PLCB1: variants seen among roughly 807,000 people sequenced by gnomAD.
PLCB1 encodes 1-phosphatidylinositol 4,5-bisphosphate phosphodiesterase beta-1.
Under a neutral mutation model 161.8 loss-of-function variants are expected in PLCB1, and 46 were observed. The ratio of observed to expected loss-of-function variants is 0.28; its 90% confidence interval spans 0.22 to 0.36. PLCB1 has a LOEUF of 0.36. Ranked by LOEUF, PLCB1 falls within the 10% of genes least tolerant of loss-of-function variation. The probability of loss-of-function intolerance (pLI) is 1.00; values close to 1 mark genes in which losing one functional copy is unlikely to be tolerated. For missense variants in PLCB1, 1,016 were observed against 1,472.5 expected (o/e 0.69, Z 5.07); for synonymous variants, 517 against 503.7 (o/e 1.03, Z -0.35).
intron 31 of PLCB1, among the ~76,000 whole-genome samples, chr20:8,850,270 T>C (rs1986843935): frequency 1.3e-5 from 2 of 152,208 alleles, no homozygotes; most frequent in Admixed American, 6.5e-5. Flanking sequence ...CACAACATTT[T>C]CTAATCGTGC....
intron 2 of PLCB1, among the ~76,000 whole-genome samples, chr20:8,269,418 C>T (rs1311781469): frequency 2.6e-5 from 4 of 151,974 alleles, no homozygotes; most frequent in Non-Finnish European, 4.4e-5. Flanking sequence ...ATTACTATTG[C>T]AAGGGATTTT....
intron 3 of PLCB1, among the ~76,000 whole-genome samples, chr20:8,396,160 T>C (rs1466825110): frequency 6.6e-6 from 1 of 152,050 alleles, no homozygotes; most frequent in Admixed American, 6.6e-5. Context: ...AGATGTTAGA[T>C]AATAAATCAT....
intron 2 of PLCB1, among the ~76,000 whole-genome samples, chr20:8,179,744 C>T (rs536449324): frequency 6.6e-6 from 1 of 150,696 alleles, no homozygotes; most frequent in African/African-American, 2.4e-5. Context: ...AAGGGGAATG[C>T]GTCCAGCTTT....
intron 3 of PLCB1, among the ~76,000 whole-genome samples, chr20:8,468,444 T>C (rs572334976): frequency 5.9e-5 from 9 of 152,288 alleles, no homozygotes; most frequent in African/African-American, 2.2e-4. Context: ...TCTGAATGAT[T>C]TTGGAAACTA....
At chr20:8,404,529 C>T (rs1264881790) in intron 3 of PLCB1, among the ~76,000 whole-genome samples, 1 of 152,106 alleles carries the variant, frequency 6.6e-6, no homozygotes, top group Non-Finnish European at 1.5e-5. Flanking sequence ...TTTTTTCTCC[C>T]CTGAGAAGCA....
chr20:8,283,792 C>A (rs991177511), intron 2 of PLCB1, among the ~76,000 whole-genome samples: 1 of 151,868 alleles, frequency 6.6e-6, no homozygotes, highest in African/African-American at 2.4e-5. Flanking sequence ...TAACAAATGG[C>A]CTCTTATTGT....
chr20:8,717,697 C>T lies in PLCB1; in HGVS notation c.1362C>T (p.Ser454=), dbSNP rs1352766272. The part of the protein sequence containing the change: ...YPLESGVPLP[S]PMDLMYKILV... ...TGGAATCTGGAGTTCCTCTTCCAAGCCCTATGGATTTAATGTATAAAATTT... is the reference window on the plus strand; with the variant it reads ...TGGAATCTGGAGTTCCTCTTCCAAGTCCTATGGATTTAATGTATAAAATTT... The change falls in exon 14 of 32, where the codon AGC becomes AGT. Residue 454 remains serine, a synonymous_variant. Transcript: ENST00000338037. The T allele has an allele frequency of 1.9e-6, 3 of 1,611,842 alleles. No homozygotes were observed. Among genetic ancestry groups the T allele is most frequent in the African/African-American group, 1.3e-5 (1 of 74,798 alleles).
chr20:8,390,647 A>G (rs1987560034), intron 3 of PLCB1, among the ~76,000 whole-genome samples: 1 of 152,228 alleles, frequency 6.6e-6, no homozygotes, highest in African/African-American at 2.4e-5. Context: ...CATAGTCAGA[A>G]TCATTTCAGA....
At chr20:8,698,015 A>G (rs1384431480) in intron 11 of PLCB1, among the ~76,000 whole-genome samples, 1 of 152,240 alleles carries the variant, frequency 6.6e-6, no homozygotes, top group African/African-American at 2.4e-5. Flanking sequence ...AGGAAATATC[A>G]AGGTATTTGT....
At chr20:8,518,999 G>A (rs1176486278) in intron 3 of PLCB1, among the ~76,000 whole-genome samples, 1 of 152,090 alleles carries the variant, frequency 6.6e-6, no homozygotes, top group Non-Finnish European at 1.5e-5. Context: ...AGGAGGCAGA[G>A]CTCAGGTGGT....
At chr20:8,214,478 C>A (rs545528413) in intron 2 of PLCB1, among the ~76,000 whole-genome samples, 2 of 152,204 alleles carry the variant, frequency 1.3e-5, no homozygotes, top group African/African-American at 4.8e-5. Flanking sequence ...CCTGAGGCCT[C>A]CTCAGAAGCA....
chr20:8,622,852 C>T (rs1055249808), intron 3 of PLCB1, among the ~76,000 whole-genome samples: 1 of 152,130 alleles, frequency 6.6e-6, no homozygotes, highest in Non-Finnish European at 1.5e-5. Context: ...TAGATTGGTG[C>T]AAAAGTAATT....
At chr20:8,339,401 A>T (rs879832322) in intron 2 of PLCB1, among the ~76,000 whole-genome samples, 1 of 152,092 alleles carries the variant, frequency 6.6e-6, no homozygotes, top group Non-Finnish European at 1.5e-5. Flanking sequence ...GAGGCAATGG[A>T]ATTATGGAGA....
At chr20:8,601,047 A>T (rs1452576981) in intron 3 of PLCB1, among the ~76,000 whole-genome samples, 1 of 152,166 alleles carries the variant, frequency 6.6e-6, no homozygotes, top group African/African-American at 2.4e-5. Context: ...GGAAATGCAG[A>T]AATCACCCGT....
intron 9 of PLCB1, among the ~76,000 whole-genome samples, chr20:8,675,603 A>G (rs1990055204): frequency 6.6e-6 from 1 of 152,226 alleles, no homozygotes; most frequent in South Asian, 2.1e-4. Context: ...ATCAACAAAA[A>G]TATCTGCAGT....
At chr20:8,666,001 G>A (rs1989802616) in intron 9 of PLCB1, among the ~76,000 whole-genome samples, 1 of 152,112 alleles carries the variant, frequency 6.6e-6, no homozygotes, top group African/African-American at 2.4e-5. Flanking sequence ...TACACACTTG[G>A]CAACTCTTCA....
chr20:8,252,014 A>C (rs1981169024), intron 2 of PLCB1, among the ~76,000 whole-genome samples: 1 of 151,952 alleles, frequency 6.6e-6, no homozygotes, highest in African/African-American at 2.4e-5. Context: ...TGATGCTATT[A>C]CTTGATGGCT....
At chr20:8,501,932 G>A (rs916050910) in intron 3 of PLCB1, among the ~76,000 whole-genome samples, 1 of 105,662 alleles carries the variant, frequency 9.5e-6, no homozygotes, top group Non-Finnish European at 1.9e-5. Context: ...TTTCTTGCTT[G>A]TATTATCCCT....
At chr20:8,563,447 A>G (rs1986214452) in intron 3 of PLCB1, among the ~76,000 whole-genome samples, 2 of 152,026 alleles carry the variant, frequency 1.3e-5, no homozygotes, top group African/African-American at 2.4e-5. Flanking sequence ...GTCCAAACTC[A>G]AAAGGAAGCC....
Sources: allele counts gnomAD v4.1 joint callset (sites outside exome capture counted in the v4.1 genomes callset), GRCh38; gene constraint gnomAD v4.1.1; transcripts MANE v1.5; gene names NCBI Gene and HGNC (gene_info 2026-07-23, HGNC 2026-07-21).